Variants in TXK observed in about 807,000 individuals in gnomAD.
TXK encodes the protein TXK tyrosine kinase.
In TXK, 60 loss-of-function variants were observed where a neutral mutation model predicts 81.0. The observed-to-expected ratio is 0.74, with a 90% confidence interval of 0.60 to 0.92. The LOEUF (loss-of-function observed/expected upper bound fraction) is 0.92. TXK is among the 40% of genes least tolerant of loss of function. TXK has a pLI of 0.00. For missense variants in TXK, 581 were observed against 638.3 expected, an observed-to-expected ratio of 0.91 and a Z score of 0.97; for synonymous variants, 203 against 210.7, an observed-to-expected ratio of 0.96 and a Z score of 0.32.
At chr4:48,081,668 T>A (rs1035239541) in intron 10 of TXK, among the ~76,000 whole-genome samples, 1 of 152,200 alleles carries the variant, frequency 6.6e-6, no homozygotes, top group African/African-American at 2.4e-5. Flanking sequence ...AATATCATCA[T>A]ATCATTTTGA....
intron 11 of TXK, among the ~76,000 whole-genome samples, chr4:48,076,875 C>A (rs963720730): frequency 6.6e-6 from 1 of 152,206 alleles, no homozygotes; most frequent in Admixed American, 6.5e-5. Flanking sequence ...ATGACCCACC[C>A]ACCTTGGCTT....
At chr4:48,097,324 G>A (rs1282990037) in intron 6 of TXK, among the ~76,000 whole-genome samples, 1 of 151,804 alleles carries the variant, frequency 6.6e-6, no homozygotes, top group East Asian at 1.9e-4. Context: ...TAATAAACTA[G>A]TAAGACATAA....
At position 48,067,721 on chromosome 4, in the gene TXK, G is replaced by A. The variant is rs767677274; in HGVS notation, c.1516-16C>T. On this transcript the variant is annotated splice_polypyrimidine_tract_variant and intron_variant, in intron 14 of 14. Coordinates refer to ENST00000264316, the MANE Select transcript of TXK (RefSeq NM_003328.3). ...CTTCAGGTTTCTGGAAAAGGGAAGT[G>A]GGGGTGGTTAGCTCAGCTTAACCAA... 3.1e-6 allele frequency: 5 copies of A among 1,612,806 alleles called. No homozygotes were observed. In the South Asian group the frequency reaches 5.5e-5, roughly 18 times the overall value.
intron 4 of TXK, 63 bp from the exon 5 acceptor site, chr4:48,110,666 C>A: frequency 7.9e-7 from 1 of 1,260,438 alleles, no homozygotes; most frequent in Non-Finnish European, 1.2e-6. Context: ...ATCATGGCAA[C>A]AATCCTTTTA....
At chr4:48,080,157 C>CAATT in intron 10 of TXK, 29 bp from the exon 11 acceptor site, 8 of 1,537,104 alleles carry the variant, frequency 5.2e-6, no homozygotes, top group Non-Finnish European at 6.3e-6. Flanking sequence ...CACCAGTGAG[C>CAATT]AGAATTGTGT....
rs192875958 is a variant in TXK at position 48,082,718 on chromosome 4, C to T, written c.957-2590G>A. ...CTTTTTGGCCCACCACGCCCCCTAT[C>T]CTGTACCCATACAAATCGCAAACTC... On this transcript the variant is annotated intron_variant, in intron 10 of 14. Transcript: ENST00000264316. 2.8e-3 allele frequency among the ~76,000 whole-genome samples: 430 copies of T among 152,292 alleles called. 4 individuals are homozygous for T. Among genetic ancestry groups the T allele is most frequent in the African/African-American group, 1.0e-2 (415 of 41,560 alleles).
Position 48,126,669 on chromosome 4 carries a change from T to G in TXK, c.16+7486A>C, listed in dbSNP as rs952373339. ...GCACACTCCACCATACCCGGCTAATTTTTTTGGTATTTTTAGTAGAGATAG... is the reference window on the plus strand; with the variant it reads ...GCACACTCCACCATACCCGGCTAATGTTTTTGGTATTTTTAGTAGAGATAG... On this transcript the variant is annotated intron_variant, in intron 1 of 14. Transcript: ENST00000264316. Among the ~76,000 whole-genome samples the G allele has an allele frequency of 2.0e-5, 3 of 151,494 alleles. No homozygotes were observed. In the East Asian group the frequency reaches 5.8e-4, roughly 29 times the overall value.
chr4:48,102,344 T>C (rs1309135929), intron 6 of TXK, among the ~76,000 whole-genome samples: 2 of 152,226 alleles, frequency 1.3e-5, no homozygotes, highest in Non-Finnish European at 2.9e-5. Context: ...ACAAAAAATA[T>C]TGACAGGCAT....
chr4:48,128,273 C>A (rs1369990586), intron 1 of TXK, among the ~76,000 whole-genome samples: 1 of 152,136 alleles, frequency 6.6e-6, no homozygotes, highest in Non-Finnish European at 1.5e-5. Context: ...GAAACTGGCT[C>A]AGTTTTGAGA....
chr4:48,094,198 C>T lies in TXK; in HGVS notation c.588G>A (p.Thr196=), dbSNP rs751767258. Reference sequence around the variant, plus strand: ...TCTGATAATGTTTTATGGCAGCCTCCGTACTTCTACAATCAAGAAAATGTG... The same window carrying T: ...TCTGATAATGTTTTATGGCAGCCTCTGTACTTCTACAATCAAGAAAATGTG... ...ISVFMGARRS[T]EAAIKHYQIK... The change falls in exon 8 of 15, where the codon ACG becomes ACA. Residue 196 remains threonine (T), a synonymous_variant. Coordinates refer to ENST00000264316, the MANE Select transcript of TXK (RefSeq NM_003328.3). The T allele has an allele frequency of 3.3e-5, 54 of 1,613,080 alleles. No homozygotes were observed. In the East Asian group the frequency reaches 4.9e-4, roughly 15 times the overall value.
intron 4 of TXK, among the ~76,000 whole-genome samples, chr4:48,111,233 G>T (rs563551531): frequency 6.6e-6 from 1 of 152,230 alleles, no homozygotes; most frequent in South Asian, 2.1e-4. Context: ...AGATCTCCAA[G>T]ACATATTATT....
Position 48,069,543 on chromosome 4 carries a change from G to A in TXK, c.1516-1838C>T, listed in dbSNP as rs544187540. On this transcript the variant is annotated intron_variant, in intron 14 of 14. Transcript: ENST00000264316. ...GGGTTTCACCATGTTAGCCAGGCTG[G>A]TCTCGAACTCCCAGCCTCGTGATTC... 4.0e-4 allele frequency among the ~76,000 whole-genome samples: 61 copies of A among 152,002 alleles called. No homozygotes were observed. In the Middle Eastern group the frequency reaches 0.01, roughly 25 times the overall value.
At chr4:48,131,571 T>G (rs1459634448) in intron 1 of TXK, among the ~76,000 whole-genome samples, 1 of 152,164 alleles carries the variant, frequency 6.6e-6, no homozygotes, top group African/African-American at 2.4e-5. Flanking sequence ...AGCTGCAATA[T>G]ACAGTAGACA....
intron 1 of TXK, among the ~76,000 whole-genome samples, chr4:48,124,283 A>ACAC (rs1374713741): frequency 3.3e-5 from 5 of 151,830 alleles, no homozygotes; most frequent in Non-Finnish European, 7.4e-5. Flanking sequence ...TCTAACACCC[A>ACAC]CACCACCACC....
intron 10 of TXK, among the ~76,000 whole-genome samples, chr4:48,084,276 T>G (rs557964065): frequency 1.6e-4 from 25 of 151,734 alleles, no homozygotes; most frequent in African/African-American, 5.6e-4. Context: ...TTTTTTTTTG[T>G]AGAGACAGGG....
At chr4:48,111,202 C>T (rs10938521) in intron 4 of TXK, among the ~76,000 whole-genome samples, 1 of 152,060 alleles carries the variant, frequency 6.6e-6, no homozygotes, top group African/African-American at 2.4e-5. Flanking sequence ...TATACCTTAA[C>T]CAACATTTGA....
intron 5 of TXK, among the ~76,000 whole-genome samples, chr4:48,105,445 A>C (rs1718421860): frequency 6.6e-6 from 1 of 152,170 alleles, no homozygotes; most frequent in South Asian, 2.1e-4. Flanking sequence ...TAGTTAGTAG[A>C]TGTTCTCACT....
intron 4 of TXK, among the ~76,000 whole-genome samples, chr4:48,111,196 C>A (rs944481375): frequency 6.6e-6 from 1 of 152,096 alleles, no homozygotes; most frequent in Non-Finnish European, 1.5e-5. Flanking sequence ...TTTTCCTATA[C>A]CTTAACCAAC....
intron 10 of TXK, among the ~76,000 whole-genome samples, chr4:48,080,670 A>T (rs879753524): frequency 9.6e-4 from 133 of 138,726 alleles, no homozygotes; most frequent in South Asian, 1.9e-3. Context: ...AATCACACAC[A>T]CACACACACA....
Sources: allele counts gnomAD v4.1 joint callset (sites outside exome capture counted in the v4.1 genomes callset), GRCh38; gene constraint gnomAD v4.1.1; transcripts MANE v1.5; gene names NCBI Gene and HGNC (gene_info 2026-07-23, HGNC 2026-07-21).